Variants in TPM4 observed in about 807,000 individuals in gnomAD.
TPM4 encodes the protein tropomyosin alpha-4 chain.
A neutral mutation model predicts 35.8 loss-of-function variants in TPM4; 17 were observed. That is an observed-to-expected ratio of 0.47 (90% CI 0.32 to 0.71). TPM4 has a LOEUF of 0.71. TPM4 is among the 30% of genes least tolerant of loss of function. TPM4 has a pLI of 0.03. For missense variants in TPM4, 240 were observed against 320.9 expected (o/e 0.75, Z 1.93); for synonymous variants, 120 against 122.9 (o/e 0.98, Z 0.15).
chr19:16,081,065 G>C (rs565633317), intron 1 of TPM4: 5 of 398,358 alleles, frequency 1.3e-5, no homozygotes, highest in Non-Finnish European at 2.2e-5. Flanking sequence ...CCCCCGCCTC[G>C]TCCCACCTTG....
At chr19:16,075,835 G>T (rs2090397647), upstream of TPM4, 3 of 698,140 alleles carry the variant, frequency 4.3e-6, no homozygotes, top group Admixed American at 3.5e-5. Flanking sequence ...AAAACAGCTG[G>T]TCCTCAGGAC....
rs1333973704 is a variant in TPM4, at chr19:16,070,734, C to G, written c.114+2996C>G. 1.3e-5 allele frequency among the ~76,000 whole-genome samples: 2 copies of G among 152,082 alleles called. No individual in the cohort carries two copies. Among genetic ancestry groups the G allele is most frequent in the African/African-American group, 4.8e-5 (2 of 41,398 alleles). The stretch of plus-strand genomic sequence containing the variant: ...GTTGATTTCCTGCCCCGCCCTACTT[C>G]CCCTTTGGGCCTCCCCAGCCCCCCG... On this transcript the variant is annotated intron_variant, in intron 2 of 2. Transcript: ENST00000589897. The surrounding 1 kb of genome is among the most constrained non-coding windows in gnomAD (Gnocchi z 7.4).
intron 2 of TPM4, 41 bp from the exon 3 acceptor site, chr19:16,086,382 G>C: frequency 6.5e-7 from 1 of 1,535,686 alleles, no homozygotes; most frequent in Non-Finnish European, 9.0e-7. Context: ...GGGTGGAGGG[G>C]TGTGAGTGAA....
At chr19:16,078,276 C>T (rs2090437536) in intron 1 of TPM4, 2 of 395,956 alleles carry the variant, frequency 5.1e-6, no homozygotes, top group African/African-American at 2.1e-5. Flanking sequence ...TGTGCACAGA[C>T]TCAGAGGCAA....
chr19:16,102,266 G>A lies in TPM4; in HGVS notation c.*920G>A, dbSNP rs973533495. On this transcript the variant is annotated 3_prime_UTR_variant, in exon 8 of 8. Coordinates refer to ENST00000643579, the MANE Select transcript of TPM4 (RefSeq NM_003290.3). ...AGGCAGGAGGATCGCTTGAACCCAG[G>A]AAGTGGAGACTGCAGTGAGCCGATA... 1 of 190,424 alleles carries A rather than the reference G, an allele frequency of 5.3e-6. No individual in the cohort carries two copies. Among genetic ancestry groups the A allele is most frequent in the Non-Finnish European group, 1.1e-5 (1 of 90,852 alleles). The allele number at this position is 190,424 out of a possible 1,614,324, so 11.8% of individuals were successfully genotyped here. A position where few individuals can be genotyped will look rare whatever the true frequency, so the allele number is the denominator to read the frequency against.
intron 1 of TPM4, among the ~76,000 whole-genome samples, chr19:16,078,842 A>AAAAC (rs956723656): frequency 2.0e-5 from 3 of 151,770 alleles, no homozygotes; most frequent in South Asian, 2.1e-4. Flanking sequence ...AAAAAAAAAA[A>AAAAC]AAAAAAACCT....
intron 7 of TPM4, chr19:16,095,746 ATTTTTTTT>A: frequency 3.3e-6 from 1 of 307,432 alleles, no homozygotes; most frequent in Non-Finnish European, 4.8e-6. Context: ...CATGCCAATA[ATTTTTTTT>A]TGTTTTTTTG....
At chr19:16,076,265 G>C (rs1453919056), upstream of TPM4, 2 of 1,528,726 alleles carry the variant, frequency 1.3e-6, no homozygotes, top group African/African-American at 1.4e-5. Flanking sequence ...AGGAGGAAGA[G>C]GAGGAGGAGA....
rs2090777966 is a variant in TPM4 at position 16,102,997 on chromosome 19, A to T, written c.*1651A>T. On this transcript the variant is annotated 3_prime_UTR_variant, in exon 8 of 8. Transcript: ENST00000643579. ...ATTTTGGTCAAATAAATTTTTACATAAACTACAATTTGCGTGAATTTTAGA... is the reference window on the plus strand; with the variant it reads ...ATTTTGGTCAAATAAATTTTTACATTAACTACAATTTGCGTGAATTTTAGA... 1 of 199,530 alleles carries T rather than the reference A, an allele frequency of 5.0e-6. No homozygotes were observed. 12.4% of individuals were successfully genotyped at this position (199,530 alleles called of 1,614,324 possible).
At chr19:16,087,753 C>T (rs1014858138) in intron 3 of TPM4, among the ~76,000 whole-genome samples, 7 of 150,402 alleles carry the variant, frequency 4.7e-5, no homozygotes, top group Admixed American at 1.3e-4. Flanking sequence ...TGGTGGCACG[C>T]GCCTGTAGTC....
In TPM4 at chr19:16,070,057, G is replaced by A. The variant is rs1398896109; in HGVS notation, c.114+2319G>A. Among the ~76,000 whole-genome samples the A allele has an allele frequency of 6.6e-5, 10 of 152,060 alleles. No homozygotes were observed. Among genetic ancestry groups the A allele is most frequent in the Non-Finnish European group, 1.5e-4 (10 of 67,996 alleles). ...TGCAGGGGTGACTGGGTGGGGTCTG[G>A]GGACTGGGATGGGAGTAGAGTTGAG... On this transcript the variant is annotated intron_variant, in intron 2 of 2. Transcript: ENST00000589897. The surrounding 1 kb of genome is among the most constrained non-coding windows in gnomAD (Gnocchi z 7.4).
upstream of TPM4, chr19:16,076,056 G>A (rs755151675): frequency 1.2e-6 from 2 of 1,606,794 alleles, no homozygotes; most frequent in African/African-American, 1.3e-5. Context: ...GGTGGAGGAG[G>A]AGCTGACGCA....
Position 16,081,940 on chromosome 19 carries a change from C to A in TPM4, c.160C>A (p.Arg54=). ...TGAAGGTGATGTGGCCGCCCTCAAC[C>A]GACGCATCCAGCTCGTTGAGGAGGA... ...KAEGDVAALN[R]RIQLVEEELD... Residue 54 remains arginine (R), a synonymous_variant, in exon 2 of 8, where the codon CGA becomes AGA. Transcript: ENST00000643579. 2 of 1,603,122 alleles carry A rather than the reference C, an allele frequency of 1.2e-6. No homozygotes were observed. Among genetic ancestry groups the A allele is most frequent in the East Asian group, 2.2e-5 (1 of 44,588 alleles).
At chr19:16,073,960 ACGC>A (rs1306593029), upstream of TPM4, among the ~76,000 whole-genome samples, 227 of 105,576 alleles carry the variant, frequency 2.2e-3, no homozygotes, top group Middle Eastern at 5.0e-3. Flanking sequence ...AAAAAAAAAA[ACGC>A]AAAAAAAAAA....
rs1348244117 is a variant in TPM4, at chr19:16,101,801, A to G, written c.*455A>G. On this transcript the variant is annotated 3_prime_UTR_variant, in exon 8 of 8. Transcript: ENST00000643579. ...AGAGACCAGGGACCATCACATGGGT[A>G]GGGATTTTCCATCCAGAGCCAATAA... is the stretch of plus-strand genomic sequence containing the variant. The G allele has an allele frequency of 8.8e-6, 2 of 227,544 alleles. No individual in the cohort carries two copies. Among genetic ancestry groups the G allele is most frequent in the African/African-American group, 4.4e-5 (2 of 44,952 alleles). 14.1% of individuals were successfully genotyped at this position (227,544 alleles called of 1,614,324 possible).
intron 5 of TPM4, among the ~76,000 whole-genome samples, chr19:16,090,176 C>T (rs1166744432): frequency 1.3e-5 from 2 of 151,724 alleles, no homozygotes; most frequent in East Asian, 3.9e-4. Context: ...AGTGTAGTGG[C>T]GTGATCATAG....
upstream of TPM4, chr19:16,075,898 T>C (rs918709842): frequency 1.7e-5 from 19 of 1,141,000 alleles, no homozygotes; most frequent in African/African-American, 2.5e-4. Context: ...GCGTGGTGCA[T>C]GCTATCGCAA....
At chr19:16,081,781 T>C (rs947477237) in intron 1 of TPM4, 132 bp from the exon 2 acceptor site, 1 of 1,242,474 alleles carries the variant, frequency 8.0e-7, no homozygotes, top group African/African-American at 1.5e-5. Flanking sequence ...GAGTGTAAAT[T>C]CCCTATGGCC....
intron 7 of TPM4, among the ~76,000 whole-genome samples, chr19:16,099,144 A>G (rs1261964977): frequency 4.0e-5 from 6 of 151,606 alleles, no homozygotes; most frequent in Admixed American, 6.6e-5. Flanking sequence ...CAGTGACGCA[A>G]TCTCGGCTCA....
Sources: gnomAD v4.1 joint callset for allele counts (sites outside exome capture counted in the v4.1 genomes callset) on GRCh38, gnomAD v4.1.1 for gene constraint, Gnocchi (gnomAD v3.1) non-coding constraint, MANE v1.5 for transcripts, NCBI Gene and HGNC (gene_info 2026-07-23, HGNC 2026-07-21) for gene names.